Variants in CDC5L observed in about 807,000 individuals in gnomAD.
The protein encoded by CDC5L is cell division cycle 5 like.
A neutral mutation model predicts 104.1 loss-of-function variants in CDC5L; 18 were observed. The observed-to-expected ratio is 0.17, with a 90% CI of 0.12 to 0.26. CDC5L has a LOEUF of 0.26. Ranked by LOEUF, CDC5L falls within the 10% of genes least tolerant of loss-of-function variation. The pLI is 1.00. For synonymous variants in CDC5L, 331 were observed against 322.7 expected (o/e 1.03, Z -0.28); for missense variants, 673 against 956.9 (o/e 0.70, Z 3.91).
At chr6:44,419,393 A>T (rs1309960091) in intron 8 of CDC5L, 56 bp from the exon 9 acceptor site, 1 of 1,560,858 alleles carries the variant, frequency 6.4e-7, no homozygotes, top group Non-Finnish European at 8.8e-7. Flanking sequence ...ACCAGAAGAG[A>T]TTCTGCAAGT....
chr6:44,410,704 A>T (rs747306013), intron 8 of CDC5L, among the ~76,000 whole-genome samples: 2 of 152,026 alleles, frequency 1.3e-5, no homozygotes, highest in African/African-American at 4.8e-5. Flanking sequence ...TGAAGCTTAC[A>T]TTATCTTACA....
chr6:44,422,939 AAG>A, intron 10 of CDC5L, 130 bp downstream of exon 10: 1 of 484,718 alleles, frequency 2.1e-6, no homozygotes, highest in Non-Finnish European at 3.5e-6. Flanking sequence ...ATGCCAGAAA[AAG>A]AATTATTTGT....
At chr6:44,428,200 T>C (rs561327112) in intron 13 of CDC5L, among the ~76,000 whole-genome samples, 2 of 152,280 alleles carry the variant, frequency 1.3e-5, no homozygotes, top group East Asian at 3.9e-4. Context: ...TGTCAGATTT[T>C]CTTTTTCTTT....
chr6:44,416,923 A>G (rs1791934029), intron 8 of CDC5L, among the ~76,000 whole-genome samples: 1 of 152,240 alleles, frequency 6.6e-6, no homozygotes, highest in East Asian at 1.9e-4. Context: ...TTGGAATAGC[A>G]AAAAGGACAC....
intron 5 of CDC5L, among the ~76,000 whole-genome samples, chr6:44,403,409 C>G (rs1791223263): frequency 6.7e-6 from 1 of 149,384 alleles, no homozygotes; most frequent in Non-Finnish European, 1.5e-5. Flanking sequence ...CTACTATTTG[C>G]CTTTTAATTT....
chr6:44,404,817 C>T (rs775619120), intron 6 of CDC5L, among the ~76,000 whole-genome samples: 10 of 152,098 alleles, frequency 6.6e-5, no homozygotes, highest in Non-Finnish European at 1.2e-4. Flanking sequence ...CTCAACCTCT[C>T]AAGTAGCTGG....
intron 1 of CDC5L, among the ~76,000 whole-genome samples, chr6:44,388,165 C>CG (rs1790433944): frequency 1.6e-5 from 2 of 128,718 alleles, no homozygotes; most frequent in Non-Finnish European, 3.3e-5. Context: ...CCGCCCCCCC[C>CG]GGCCCCGGGA....
chr6:44,422,850 T>C, intron 10 of CDC5L, 41 bp downstream of exon 10: 1 of 1,408,616 alleles, frequency 7.1e-7, no homozygotes, highest in South Asian at 1.3e-5. Context: ...AATTTTTTTT[T>C]AATATCTCAT....
At chr6:44,421,446 G>C (rs1056718766) in intron 9 of CDC5L, among the ~76,000 whole-genome samples, 2 of 152,164 alleles carry the variant, frequency 1.3e-5, no homozygotes, top group Admixed American at 1.3e-4. Flanking sequence ...TGGTTATTTA[G>C]TAGAGAAAGC....
intron 1 of CDC5L, among the ~76,000 whole-genome samples, chr6:44,389,107 A>C (rs1017709690): frequency 6.6e-6 from 1 of 152,172 alleles, no homozygotes; most frequent in Admixed American, 6.5e-5. Context: ...AACCAACATG[A>C]AGTAGGTTGC....
At chr6:44,416,250 TA>T in intron 8 of CDC5L, among the ~76,000 whole-genome samples, 1 of 152,242 alleles carries the variant, frequency 6.6e-6, no homozygotes, top group Admixed American at 6.5e-5. Flanking sequence ...AAAGGAGTGT[TA>T]AAGATTGGAG....
At chr6:44,394,855 CAAAAAAAAAAAAAA>C (rs60864045) in intron 4 of CDC5L, among the ~76,000 whole-genome samples, 1,002 of 59,112 alleles carry the variant, frequency 0.017, 26 homozygotes, top group African/African-American at 0.063. Flanking sequence ...GACCCTGTCT[CAAAAAAAAAAAAAA>C]AAAAAAAAAA....
chr6:44,414,654 A>G (rs1015191409), intron 8 of CDC5L, among the ~76,000 whole-genome samples: 1 of 151,988 alleles, frequency 6.6e-6, no homozygotes, highest in South Asian at 2.1e-4. Flanking sequence ...TATAATTGTA[A>G]GAGTTCTTTG....
intron 14 of CDC5L, among the ~76,000 whole-genome samples, chr6:44,438,122 T>G (rs925161985): frequency 2.0e-5 from 3 of 152,140 alleles, no homozygotes; most frequent in African/African-American, 7.2e-5. Flanking sequence ...CTAATTTTTG[T>G]ATTTTTTGAG....
At position 44,393,542 on chromosome 6, in the gene CDC5L, A is replaced by C. The variant is rs2153374284; in HGVS notation, c.408A>C (p.Pro136=). 1 of 1,614,066 alleles carries C rather than the reference A, an allele frequency of 6.2e-7. No homozygotes were observed. The highest frequency in any genetic ancestry group is 8.5e-7 in the Non-Finnish European group (1 of 1,179,950). The change falls in exon 4 of 16, where the codon CCA becomes CCC. Residue 136 remains proline, a synonymous_variant. Coordinates refer to ENST00000371477, the MANE Select transcript of CDC5L (RefSeq NM_001253.4). ...TAGATCCAAATCCAGAAACAAAACC[A>C]GCGCGGCCTGATCCAATTGATATGG... ...GEIDPNPETK[P]ARPDPIDMDE...
At chr6:44,402,338 A>G (rs1791169978) in intron 5 of CDC5L, among the ~76,000 whole-genome samples, 1 of 152,126 alleles carries the variant, frequency 6.6e-6, no homozygotes, top group African/African-American at 2.4e-5. Context: ...CTTTTTAATG[A>G]TTTAAATATT....
chr6:44,418,238 A>G (rs1016035948), intron 8 of CDC5L, among the ~76,000 whole-genome samples: 1 of 152,034 alleles, frequency 6.6e-6, no homozygotes, highest in African/African-American at 2.4e-5. Context: ...GAGTGAGAAC[A>G]TGCGGTGTTT....
intron 4 of CDC5L, among the ~76,000 whole-genome samples, chr6:44,394,104 G>A (rs1790742450): frequency 6.6e-6 from 1 of 152,128 alleles, no homozygotes; most frequent in Non-Finnish European, 1.5e-5. Flanking sequence ...AGTTAATTAA[G>A]TGTTACGGGG....
intron 8 of CDC5L, among the ~76,000 whole-genome samples, chr6:44,411,637 A>AGAGAGAGAGAGTGTGTGTGT: frequency 8.1e-6 from 1 of 123,646 alleles, no homozygotes; most frequent in East Asian, 5.4e-4. Flanking sequence ...AGAGAGAGAG[A>AGAGAGAGAGAGTGTGTGTGT]GTGTGTGTGT....
Sources: allele counts gnomAD v4.1 joint callset (sites outside exome capture counted in the v4.1 genomes callset), GRCh38; gene constraint gnomAD v4.1.1; transcripts MANE v1.5; gene names NCBI Gene and HGNC (gene_info 2026-07-23, HGNC 2026-07-21).